The following URI1 variants were observed in gnomAD, a reference collection of about 807,000 sequenced individuals.
The protein encoded by URI1 is unconventional prefoldin RPB5 interactor 1.
In URI1, 39 loss-of-function variants were observed where a neutral mutation model predicts 60.2. The ratio of observed to expected loss-of-function variants is 0.65; its 90% CI spans 0.50 to 0.85. The LOEUF (loss-of-function observed/expected upper bound fraction) is 0.85, where lower values mean the gene tolerates loss of function less well. Ranked by LOEUF, URI1 falls within the 40% of genes least tolerant of loss-of-function variation. URI1 has a pLI of 0.00. For missense variants in URI1, 691 were observed against 665.9 expected (o/e 1.04, Z -0.42); for synonymous variants, 251 against 236.8 (o/e 1.06, Z -0.55).
At chr19:29,992,443 A>G (rs1354271110) in intron 4 of URI1, among the ~76,000 whole-genome samples, 1 of 152,162 alleles carries the variant, frequency 6.6e-6, no homozygotes, top group Non-Finnish European at 1.5e-5. Flanking sequence ...CTTTTAATTG[A>G]TGTACTTAGA....
chr19:29,944,777 CTT>C (rs1184563747), intron 1 of URI1, among the ~76,000 whole-genome samples: 2 of 152,188 alleles, frequency 1.3e-5, no homozygotes, highest in African/African-American at 4.8e-5. Flanking sequence ...TTTAATCTAT[CTT>C]TATTTAATAG....
intron 1 of URI1, among the ~76,000 whole-genome samples, chr19:29,928,595 A>G (rs1217834869): frequency 6.6e-6 from 1 of 152,124 alleles, no homozygotes; most frequent in East Asian, 1.9e-4. Context: ...TCAAAGCAAC[A>G]TAGGAGAATG....
chr19:29,959,705 T>C (rs1321575791), intron 1 of URI1, among the ~76,000 whole-genome samples: 1 of 152,228 alleles, frequency 6.6e-6, no homozygotes, highest in Non-Finnish European at 1.5e-5. Context: ...GGTGATGTCC[T>C]CTTTTTAATT....
intron 1 of URI1, among the ~76,000 whole-genome samples, chr19:29,970,328 TATG>T (rs1380935188): frequency 6.6e-6 from 1 of 151,966 alleles, no homozygotes; most frequent in Admixed American, 6.6e-5. Flanking sequence ...TAAAATGGTA[TATG>T]GTATTCTAGA....
chr19:29,971,108 A>AT, intron 1 of URI1, 85 bp from the exon 2 acceptor site: 1 of 1,289,500 alleles, frequency 7.8e-7, no homozygotes, highest in Non-Finnish European at 1.1e-6. Context: ...TGTAAAGCCA[A>AT]TGTTCTAGTT....
chr19:29,944,161 A>G (rs2055070377), intron 1 of URI1, among the ~76,000 whole-genome samples: 1 of 65,234 alleles, frequency 1.5e-5, no homozygotes, highest in Non-Finnish European at 2.7e-5. Flanking sequence ...ATATATATAT[A>G]TATATATATA....
chr19:29,936,469 G>T (rs1268685779), intron 1 of URI1, among the ~76,000 whole-genome samples: 3 of 152,142 alleles, frequency 2.0e-5, no homozygotes, highest in East Asian at 3.9e-4. Context: ...CTTACAAGTT[G>T]TTCCTCTCTT....
At chr19:29,969,355 A>T (rs996173961) in intron 1 of URI1, among the ~76,000 whole-genome samples, 1 of 152,224 alleles carries the variant, frequency 6.6e-6, no homozygotes, top group Non-Finnish European at 1.5e-5. Flanking sequence ...AACACATGCC[A>T]TTCTACCAGT....
At chr19:29,947,255 T>C (rs1434289819) in intron 1 of URI1, among the ~76,000 whole-genome samples, 3 of 152,218 alleles carry the variant, frequency 2.0e-5, no homozygotes, top group Admixed American at 2.0e-4. Flanking sequence ...CATGCATATG[T>C]GAAGAAATGG....
At chr19:29,946,298 A>G (rs1033589360) in intron 1 of URI1, among the ~76,000 whole-genome samples, 3 of 152,130 alleles carry the variant, frequency 2.0e-5, no homozygotes, top group Non-Finnish European at 4.4e-5. Flanking sequence ...GTTTCCTTGT[A>G]CTAAGATCTT....
intron 1 of URI1, among the ~76,000 whole-genome samples, chr19:29,953,593 G>A (rs1169699785): frequency 6.6e-6 from 1 of 152,124 alleles, no homozygotes; most frequent in Non-Finnish European, 1.5e-5. Context: ...CAATATCCTA[G>A]GCAATGCAGT....
rs115777504 is a variant in URI1, at chr19:29,953,051, T to C, written c.117+10387T>C. On this transcript the variant is annotated intron_variant, in intron 1 of 10. Transcript: ENST00000392271. Reference sequence around the variant, plus strand: ...GGTCATTGATCCGTTTTGAGTTAATTTCTGTATATTCATTGATTGTTGATT... The same window carrying C: ...GGTCATTGATCCGTTTTGAGTTAATCTCTGTATATTCATTGATTGTTGATT... Among the ~76,000 whole-genome samples the C allele has an allele frequency of 6.1e-3, 935 of 152,276 alleles. 13 individuals carry two copies. The highest frequency in any genetic ancestry group is 0.021 in the African/African-American group (888 of 41,552).
intron 1 of URI1, among the ~76,000 whole-genome samples, chr19:29,933,170 T>A (rs1362837253): frequency 6.6e-6 from 1 of 152,234 alleles, no homozygotes; most frequent in African/African-American, 2.4e-5. Flanking sequence ...TCCTCTTCAA[T>A]CTTTAGAAGA....
chr19:29,963,592 T>C (rs1056811920), intron 1 of URI1, among the ~76,000 whole-genome samples: 1 of 152,228 alleles, frequency 6.6e-6, no homozygotes, highest in African/African-American at 2.4e-5. Context: ...TTATATATTT[T>C]TTCTTTTGAC....
rs557876122 is a variant in URI1 at position 29,928,319 on chromosome 19, A to G, written c.63+4565A>G. On this transcript the variant is annotated intron_variant, in intron 1 of 10. Coordinates refer to the URI1 transcript ENST00000360605. ...CTTCCCACCGCCCAGGTCACGCCCA[A>G]GCATTATTTTTCGGAGCTCCCAACA... 2.0e-3 allele frequency among the ~76,000 whole-genome samples: 304 copies of G among 152,190 alleles called. 1 individual carries two copies. The highest frequency in any genetic ancestry group is 6.6e-3 in the African/African-American group (276 of 41,526).
At chr19:29,938,463 C>T (rs2054992763), upstream of URI1, among the ~76,000 whole-genome samples, 1 of 152,080 alleles carries the variant, frequency 6.6e-6, no homozygotes, top group Non-Finnish European at 1.5e-5. Flanking sequence ...TCCCACTAGG[C>T]CCCACTTCCA....
intron 2 of URI1, among the ~76,000 whole-genome samples, chr19:29,974,871 A>C (rs1006440226): frequency 1.3e-5 from 2 of 152,308 alleles, no homozygotes; most frequent in African/African-American, 4.8e-5. Flanking sequence ...TAGTTCGCTT[A>C]GGATAGTGGC....
At position 29,942,451 on chromosome 19, in the gene URI1, AG is replaced by A. The variant is rs1217039532; in HGVS notation, c.-94del. On this transcript the variant is annotated 5_prime_UTR_variant, in exon 1 of 11. The change abolishes the stop of an existing upstream ORF in the 5' untranslated region. Coordinates refer to ENST00000392271, the MANE Select transcript of URI1 (RefSeq NM_003796.3). ...CTGGGCGCGGGGCGCGCGGTGCCTG[AG>A]GGCGGGCGCGCGGGCGCTGGGCAAC... is the stretch of plus-strand genomic sequence containing the variant. 35 of 1,007,656 alleles carry A rather than the reference AG, an allele frequency of 3.5e-5. No individual in the cohort carries two copies. The African/African-American group carries it at 5.4e-4, about 16-fold the overall frequency. The allele number at this position is 1,007,656 out of a possible 1,614,324, so 62.4% of individuals were successfully genotyped here.
chr19:29,948,319 T>A (rs2055127866), intron 1 of URI1, among the ~76,000 whole-genome samples: 1 of 152,190 alleles, frequency 6.6e-6, no homozygotes, highest in African/African-American at 2.4e-5. Context: ...GCATCAGGGG[T>A]CAACTTTTAA....
Sources: allele counts gnomAD v4.1 joint callset (sites outside exome capture counted in the v4.1 genomes callset), GRCh38; gene constraint gnomAD v4.1.1; transcripts MANE v1.5; gene names NCBI Gene and HGNC (gene_info 2026-07-23, HGNC 2026-07-21).